Variants in KCNIP4 observed in about 807,000 individuals in gnomAD.
KCNIP4 encodes the protein potassium voltage-gated channel interacting protein 4, also known as Kv channel-interacting protein 4.
A neutral mutation model predicts 34.0 loss-of-function variants in KCNIP4; 12 were observed. The observed-to-expected ratio is 0.35, with a 90% CI of 0.23 to 0.57. The LOEUF (loss-of-function observed/expected upper bound fraction) is 0.57, where lower values mean the gene tolerates loss of function less well. KCNIP4 is among the 20% of genes least tolerant of loss of function. The pLI is 0.83. For synonymous variants in KCNIP4, 124 were observed against 102.2 expected, an observed-to-expected ratio of 1.21 and a Z score of -1.29; for missense variants, 238 against 311.7, an observed-to-expected ratio of 0.76 and a Z score of 1.78.
At chr4:21,270,985 CCAAAA>C (rs763444054) in intron 1 of KCNIP4, among the ~76,000 whole-genome samples, 5 of 132,364 alleles carry the variant, frequency 3.8e-5, no homozygotes, top group South Asian at 2.4e-4. Context: ...GTCCCTGTCC[CCAAAA>C]AAAAAAAAAA....
At chr4:20,963,288 C>G (rs1037571939) in intron 1 of KCNIP4, among the ~76,000 whole-genome samples, 4 of 151,570 alleles carry the variant, frequency 2.6e-5, no homozygotes, top group African/African-American at 9.7e-5. Context: ...AATTGCACCA[C>G]TGCACTCCAG....
intron 3 of KCNIP4, among the ~76,000 whole-genome samples, chr4:20,826,117 C>T (rs984562829): frequency 2.6e-5 from 4 of 151,914 alleles, no homozygotes; most frequent in African/African-American, 9.7e-5. Flanking sequence ...ATTGCAAGAC[C>T]TCACTTTCAA....
rs777810563 is a variant in KCNIP4, at chr4:20,734,658, G to A, written c.507C>T (p.Asp169=). ...TAGTGATGTAGCCATCTTTATTTAT[G>A]TCATACAGATTAAATGCCCAATTGA... ...EKLNWAFNLY[D]INKDGYITKE... The change falls in exon 6 of 9, where the codon GAC becomes GAT. Residue 169 remains aspartate (D), a synonymous_variant. Transcript: ENST00000382152. 4 of 1,586,576 alleles carry A rather than the reference G, an allele frequency of 2.5e-6. No individual in the cohort carries two copies. The highest frequency in any genetic ancestry group is 1.7e-5 in the Admixed American group (1 of 57,454).
At chr4:21,493,465 GA>G (rs143032873) in intron 1 of KCNIP4, among the ~76,000 whole-genome samples, 2,971 of 150,856 alleles carry the variant, frequency 0.02, 102 homozygotes, top group East Asian at 0.12. Context: ...GAATTCTCTA[GA>G]AAAAAAGCAT....
chr4:21,340,273 G>A (rs887539717), intron 1 of KCNIP4, among the ~76,000 whole-genome samples: 2 of 152,050 alleles, frequency 1.3e-5, no homozygotes, highest in Admixed American at 1.3e-4. Context: ...TCTCTCATCT[G>A]TTGGCAGATT....
At chr4:20,844,897 CA>C (rs1223426201) in intron 3 of KCNIP4, among the ~76,000 whole-genome samples, 2 of 150,682 alleles carry the variant, frequency 1.3e-5, no homozygotes, top group Non-Finnish European at 3.0e-5. Context: ...AGAAATGAAA[CA>C]AAAAAAAAGT....
At chr4:21,186,993 A>T (rs1175260210) in intron 1 of KCNIP4, among the ~76,000 whole-genome samples, 1 of 152,140 alleles carries the variant, frequency 6.6e-6, no homozygotes, top group Non-Finnish European at 1.5e-5. Flanking sequence ...AATAGTCACC[A>T]AATATCCTAT....
intron 1 of KCNIP4, among the ~76,000 whole-genome samples, chr4:21,424,419 A>T (rs957035936): frequency 4.0e-5 from 6 of 151,814 alleles, no homozygotes; most frequent in Admixed American, 6.6e-5. Flanking sequence ...AAAAAAATAA[A>T]ACATTAGCCA....
intron 1 of KCNIP4, among the ~76,000 whole-genome samples, chr4:20,992,031 T>C (rs901693092): frequency 5.3e-5 from 8 of 152,250 alleles, no homozygotes; most frequent in African/African-American, 1.9e-4. Flanking sequence ...GCTTAAATGC[T>C]TTCCAATTCT....
chr4:21,386,115 TTAAC>T (rs1560353722), intron 1 of KCNIP4, among the ~76,000 whole-genome samples: 1 of 152,296 alleles, frequency 6.6e-6, no homozygotes, highest in East Asian at 1.9e-4. Context: ...AATAAAGAAA[TTAAC>T]TAACTTTTCA....
At chr4:21,642,674 C>T (rs1040273680) in intron 1 of KCNIP4, among the ~76,000 whole-genome samples, 10 of 151,982 alleles carry the variant, frequency 6.6e-5, no homozygotes, top group Non-Finnish European at 1.5e-4. Context: ...ATGCTTCTAG[C>T]AGAAGACACA....
intron 3 of KCNIP4, among the ~76,000 whole-genome samples, chr4:20,792,128 C>T (rs62411670): frequency 0.02 from 3,003 of 152,314 alleles, 43 homozygotes; most frequent in Middle Eastern, 0.034. Context: ...AATCCCAGCA[C>T]TTTGAGAAGC....
At chr4:20,922,437 G>A (rs7699162) in intron 1 of KCNIP4, among the ~76,000 whole-genome samples, 16,480 of 152,152 alleles carry the variant, frequency 0.11, 950 homozygotes, top group South Asian at 0.23. Context: ...CAGACTAGGA[G>A]TGATTACACT....
chr4:21,139,214 G>C (rs563024548), intron 1 of KCNIP4, among the ~76,000 whole-genome samples: 1 of 152,342 alleles, frequency 6.6e-6, no homozygotes, highest in Admixed American at 6.5e-5. Context: ...CCTGCAGCCT[G>C]AGCTGCCATA....
At chr4:21,067,447 A>T (rs1182179584) in intron 1 of KCNIP4, among the ~76,000 whole-genome samples, 1 of 152,162 alleles carries the variant, frequency 6.6e-6, no homozygotes, top group Non-Finnish European at 1.5e-5. Context: ...AGTGCCAGGC[A>T]GGCCCTAGGG....
intron 1 of KCNIP4, among the ~76,000 whole-genome samples, chr4:21,731,551 C>T (rs1254850874): frequency 3.9e-5 from 6 of 151,934 alleles, no homozygotes; most frequent in Non-Finnish European, 5.9e-5. Context: ...CATTTACATC[C>T]CCAAGTTATT....
In KCNIP4 at chr4:21,234,085, G is replaced by A. The variant is rs192574380; in HGVS notation, c.62-351376C>T. ...TATATAACATAACATAACATATAAC[G>A]TATATTATATATAACATATATAACG... On this transcript the variant is annotated intron_variant, in intron 1 of 8. Coordinates refer to ENST00000382152, the MANE Select transcript of KCNIP4 (RefSeq NM_025221.6). 0.017 allele frequency among the ~76,000 whole-genome samples: 1,283 copies of A among 74,516 alleles called. 292 individuals are homozygous for A. The African/African-American group carries it at 0.19, about 11-fold the overall frequency. 48.9% of individuals were successfully genotyped at this position (74,516 alleles called of 152,430 possible).
chr4:21,165,604 GA>G (rs535976545), intron 1 of KCNIP4, among the ~76,000 whole-genome samples: 2 of 151,812 alleles, frequency 1.3e-5, no homozygotes, highest in East Asian at 1.9e-4. Flanking sequence ...AGAAAACAAG[GA>G]AAAAAATCTT....
intron 3 of KCNIP4, among the ~76,000 whole-genome samples, chr4:20,849,628 G>A (rs1004463261): frequency 7.5e-6 from 1 of 133,496 alleles, no homozygotes. Flanking sequence ...GGGTTCTTAG[G>A]GGCTGGGTTT....
Sources: gnomAD v4.1 joint callset for allele counts (sites outside exome capture counted in the v4.1 genomes callset) on GRCh38, gnomAD v4.1.1 for gene constraint, MANE v1.5 for transcripts, NCBI Gene and HGNC (gene_info 2026-07-23, HGNC 2026-07-21) for gene names.